The following VRK3 variants were observed in gnomAD, a reference collection of about 807,000 sequenced individuals.
VRK3 encodes the protein serine/threonine-protein kinase VRK3.
Under a neutral mutation model 60.4 loss-of-function variants are expected in VRK3, and 50 were observed. The ratio of observed to expected loss-of-function variants is 0.83; its 90% CI spans 0.66 to 1.05. The LOEUF (loss-of-function observed/expected upper bound fraction) is 1.05, where lower values mean the gene tolerates loss of function less well. Among genes scored for constraint, VRK3 ranks in the 50% least tolerant of loss-of-function variants. The pLI is 0.00. For missense variants in VRK3, 549 were observed against 585.3 expected (o/e 0.94, Z 0.64); for synonymous variants, 246 against 227.8 (o/e 1.08, Z -0.72).
At chr19:49,990,121 C>T (rs1279988287) in intron 10 of VRK3, among the ~76,000 whole-genome samples, 2 of 152,012 alleles carry the variant, frequency 1.3e-5, no homozygotes, top group African/African-American at 4.8e-5. Flanking sequence ...TCCTGTTGGG[C>T]ACCGGCACTT....
intron 11 of VRK3, among the ~76,000 whole-genome samples, chr19:49,989,085 G>A (rs1174714235): frequency 1.3e-5 from 2 of 152,186 alleles, no homozygotes; most frequent in African/African-American, 4.8e-5. Context: ...GCTGGAGGCA[G>A]GGGTGCCATC....
chr19:50,001,039 T>C (rs1299665993), intron 5 of VRK3, 185 bp from the exon 6 acceptor site: 2 of 588,336 alleles, frequency 3.4e-6, no homozygotes, highest in Non-Finnish European at 3.0e-6. Context: ...TCTTTCTCTC[T>C]GTCACTATCC....
chr19:50,020,750 CA>C (rs2077158414), intron 1 of VRK3, 103 bp from the exon 2 acceptor site: 2 of 152,176 alleles, frequency 1.3e-5, no homozygotes, highest in Non-Finnish European at 2.9e-5. Flanking sequence ...CAGCATGTGC[CA>C]AATCCATTCG....
chr19:50,006,376 T>G (rs2076892013), intron 5 of VRK3, among the ~76,000 whole-genome samples: 1 of 150,092 alleles, frequency 6.7e-6, no homozygotes. Flanking sequence ...GGAGTCTCAC[T>G]GAATAATTTT....
chr19:49,978,938 C>T (rs569346864), intron 14 of VRK3, 145 bp downstream of exon 14: 19 of 788,678 alleles, frequency 2.4e-5, no homozygotes, highest in Non-Finnish European at 3.2e-5. Context: ...GTTCAAGGAC[C>T]GTGCGGAAAA....
chr19:50,023,670 T>G (rs552669475), intron 1 of VRK3, among the ~76,000 whole-genome samples: 1 of 152,058 alleles, frequency 6.6e-6, no homozygotes. Context: ...GAGCAAATGC[T>G]GGGTCTACGT....
chr19:50,022,507 C>T (rs186268523), intron 1 of VRK3, among the ~76,000 whole-genome samples: 162 of 152,098 alleles, frequency 1.1e-3, no homozygotes, highest in Non-Finnish European at 1.6e-3. Flanking sequence ...TATGGTGGGT[C>T]GGACACGGTG....
At chr19:50,016,383 T>G (rs905861027) in intron 2 of VRK3, among the ~76,000 whole-genome samples, 8 of 152,204 alleles carry the variant, frequency 5.3e-5, no homozygotes, top group Admixed American at 3.9e-4. Flanking sequence ...CAGGTTCCCT[T>G]GCAGCAAGGT....
chr19:50,007,249 G>T (rs1025572590), intron 5 of VRK3, among the ~76,000 whole-genome samples: 1 of 152,080 alleles, frequency 6.6e-6, no homozygotes, highest in Non-Finnish European at 1.5e-5. Context: ...TTAACATGCA[G>T]CCCCTGGGCC....
chr19:50,008,055 C>T (rs913877124), intron 4 of VRK3, among the ~76,000 whole-genome samples: 3 of 152,124 alleles, frequency 2.0e-5, no homozygotes, highest in Non-Finnish European at 4.4e-5. Flanking sequence ...CAAGTCTGCT[C>T]TAGACACAGC....
chr19:49,984,625 G>A (rs1299681191), intron 12 of VRK3, among the ~76,000 whole-genome samples: 1 of 152,074 alleles, frequency 6.6e-6, no homozygotes, highest in African/African-American at 2.4e-5. Context: ...ATTCCACTAC[G>A]ATTTTTCTTT....
At chr19:50,023,658 C>G (rs1233132909) in intron 1 of VRK3, among the ~76,000 whole-genome samples, 1 of 151,864 alleles carries the variant, frequency 6.6e-6, no homozygotes, top group Non-Finnish European at 1.5e-5. Flanking sequence ...AGGCCTGGCA[C>G]AGAGCAAATG....
intron 7 of VRK3, among the ~76,000 whole-genome samples, chr19:49,995,577 CAT>C (rs1568789142): frequency 1.3e-5 from 2 of 152,042 alleles, no homozygotes; most frequent in African/African-American, 2.4e-5. Flanking sequence ...CGAATTCACA[CAT>C]AGAGCTAACA....
At chr19:49,983,775 C>T (rs1399013709) in intron 12 of VRK3, among the ~76,000 whole-genome samples, 2 of 152,246 alleles carry the variant, frequency 1.3e-5, no homozygotes, top group Non-Finnish European at 2.9e-5. Flanking sequence ...TAGCGCAGGG[C>T]ACCTTAGGGT....
intron 13 of VRK3, among the ~76,000 whole-genome samples, chr19:49,979,799 T>C (rs2076392302): frequency 6.6e-6 from 1 of 151,920 alleles, no homozygotes; most frequent in East Asian, 1.9e-4. Context: ...ATCCCAGCAC[T>C]TTGGGAGGCA....
At chr19:50,006,452 T>C (rs1428089352) in intron 5 of VRK3, among the ~76,000 whole-genome samples, 1 of 151,580 alleles carries the variant, frequency 6.6e-6, no homozygotes, top group Non-Finnish European at 1.5e-5. Flanking sequence ...CTCGGCTCAC[T>C]GCAAGCTCTG....
intron 12 of VRK3, chr19:49,981,856 C>A: frequency 8.4e-7 from 1 of 1,196,784 alleles, no homozygotes; most frequent in African/African-American, 1.6e-5. Context: ...GGCCAATGGG[C>A]GGTATCCAAA....
intron 2 of VRK3, among the ~76,000 whole-genome samples, chr19:50,018,478 G>A (rs1056367457): frequency 6.6e-6 from 1 of 152,198 alleles, no homozygotes; most frequent in Admixed American, 6.5e-5. Context: ...GAGGAGAGAA[G>A]GGGTCCTGGA....
At chr19:49,983,900 T>C (rs141114015) in intron 12 of VRK3, among the ~76,000 whole-genome samples, 1 of 152,146 alleles carries the variant, frequency 6.6e-6, no homozygotes, top group East Asian at 1.9e-4. Flanking sequence ...AGTGTCAACA[T>C]TGCCAGCTAC....
Sources: allele counts gnomAD v4.1 joint callset (sites outside exome capture counted in the v4.1 genomes callset), GRCh38; gene constraint gnomAD v4.1.1; transcripts MANE v1.5; gene names NCBI Gene and HGNC (gene_info 2026-07-23, HGNC 2026-07-21).